AOPEP: variants seen among roughly 807,000 people sequenced by gnomAD.
AOPEP encodes aminopeptidase O.
A neutral mutation model predicts 98.1 loss-of-function variants in AOPEP; 77 were observed. The ratio of observed to expected loss-of-function variants is 0.78; its 90% CI spans 0.65 to 0.95. The LOEUF (loss-of-function observed/expected upper bound fraction) is 0.95. Among genes scored for constraint, AOPEP ranks in the 40% least tolerant of loss-of-function variants. The probability of loss-of-function intolerance (pLI) is 0.00; values close to 1 mark genes in which losing one functional copy is unlikely to be tolerated. For synonymous variants in AOPEP, 346 were observed against 365.3 expected (o/e 0.95, Z 0.60); for missense variants, 1,024 against 1,024.7 (o/e 1.00, Z 0.01).
intron 5 of AOPEP, among the ~76,000 whole-genome samples, chr9:94,821,970 AACACACACACACACACAC>A (rs34645632): frequency 2.1e-5 from 3 of 141,360 alleles, no homozygotes; most frequent in Non-Finnish European, 4.7e-5. Context: ...TGTGTGTGTA[AACACACACACACACACAC>A]ACACACACAC....
chr9:95,066,613 G>C (rs1051571675), intron 14 of AOPEP, among the ~76,000 whole-genome samples: 13 of 152,088 alleles, frequency 8.5e-5, no homozygotes, highest in Admixed American at 2.0e-4. Context: ...GCCGTCTGCT[G>C]TTTGCACAGG....
chr9:94,819,070 G>A (rs2134139536), intron 5 of AOPEP, among the ~76,000 whole-genome samples: 1 of 152,328 alleles, frequency 6.6e-6, no homozygotes, highest in East Asian at 1.9e-4. Flanking sequence ...GATCCCACCT[G>A]GATTAAACTA....
intron 5 of AOPEP, among the ~76,000 whole-genome samples, chr9:94,846,587 T>C (rs2042891204): frequency 6.6e-6 from 1 of 152,194 alleles, no homozygotes; most frequent in South Asian, 2.1e-4. Context: ...CACATTTGTG[T>C]GCTGAAGAGA....
At chr9:95,126,862 G>C in the AOPEP span, 3 of 419,722 alleles carry the variant, frequency 7.1e-6, no homozygotes, top group South Asian at 7.0e-5. Flanking sequence ...TACAGAATCA[G>C]TAAGTATTAG....
intron 13 of AOPEP, among the ~76,000 whole-genome samples, chr9:95,039,652 T>C (rs2065122977): frequency 6.6e-6 from 1 of 152,204 alleles, no homozygotes; most frequent in Non-Finnish European, 1.5e-5. Flanking sequence ...AAGTAATATT[T>C]CTCTCAAAAG....
At chr9:94,859,787 A>G (rs961898875) in intron 5 of AOPEP, among the ~76,000 whole-genome samples, 7 of 152,190 alleles carry the variant, frequency 4.6e-5, no homozygotes, top group Non-Finnish European at 8.8e-5. Context: ...TCTTGGGCAT[A>G]TTGCTTAAGT....
At chr9:95,060,532 C>A (rs547613780) in intron 13 of AOPEP, among the ~76,000 whole-genome samples, 162 bp from the exon 14 acceptor site, 2 of 152,212 alleles carry the variant, frequency 1.3e-5, no homozygotes, top group South Asian at 4.2e-4. Context: ...CAATGTAGGC[C>A]CTGAGGAATT....
chr9:94,846,684 G>T (rs184655468), intron 5 of AOPEP, among the ~76,000 whole-genome samples: 1 of 152,180 alleles, frequency 6.6e-6, no homozygotes, highest in Non-Finnish European at 1.5e-5. Flanking sequence ...GGTGGTGGGA[G>T]GATTGCTTGA....
intron 12 of AOPEP, 34 bp downstream of exon 12, chr9:95,005,254 T>A: frequency 6.6e-6 from 7 of 1,060,368 alleles, no homozygotes; most frequent in Non-Finnish European, 8.0e-6. Context: ...TGCGCCCCGG[T>A]GGCGCCGGCG....
chr9:94,746,484 A>G (rs971648805), intron 1 of AOPEP, among the ~76,000 whole-genome samples: 4 of 152,174 alleles, frequency 2.6e-5, no homozygotes, highest in Admixed American at 6.5e-5. Context: ...TTATAACTGT[A>G]ATGAGTTTTC....
intron 7 of AOPEP, among the ~76,000 whole-genome samples, chr9:94,945,056 G>A (rs1016368901): frequency 1.3e-5 from 2 of 152,134 alleles, no homozygotes; most frequent in African/African-American, 2.4e-5. Context: ...GGTGACCTCC[G>A]AGGTTTGGAT....
chr9:95,076,263 A>G lies in AOPEP; in HGVS notation c.2233-4431A>G, dbSNP rs1352822149. Reference sequence around the variant, plus strand: ...GATTTTGGCAGGAGTGTACATTGCTACACCCTCATGGAAGGCAATTTAGCA... The same window carrying G: ...GATTTTGGCAGGAGTGTACATTGCTGCACCCTCATGGAAGGCAATTTAGCA... On this transcript the variant is annotated intron_variant, in intron 14 of 16. Transcript: ENST00000375315. 5.9e-5 allele frequency among the ~76,000 whole-genome samples: 9 copies of G among 152,338 alleles called. No homozygotes were observed. The East Asian group carries it at 1.5e-3, about 26-fold the overall frequency.
intron 9 of AOPEP, among the ~76,000 whole-genome samples, chr9:94,965,113 A>G (rs1335544431): frequency 6.6e-6 from 1 of 152,278 alleles, no homozygotes; most frequent in Non-Finnish European, 1.5e-5. Flanking sequence ...AATGATAACT[A>G]AGAACCTCAC....
rs573036072 is a variant in AOPEP at position 94,775,356 on chromosome 9, C to T, written c.964+2188C>T. 9.3e-5 allele frequency among the ~76,000 whole-genome samples: 14 copies of T among 150,900 alleles called. No homozygotes were observed. The East Asian group carries it at 1.2e-3, about 13-fold the overall frequency. ...AGATTAACGTATGTACTGAAGTCAC[C>T]GATGAGTATTTACTTGATTTTTTTT... On this transcript the variant is annotated intron_variant, in intron 3 of 16. Coordinates refer to ENST00000375315, the MANE Select transcript of AOPEP (RefSeq NM_001193329.3).
chr9:94,858,810 A>AGGC (rs2044556892), intron 5 of AOPEP, among the ~76,000 whole-genome samples: 1 of 152,102 alleles, frequency 6.6e-6, no homozygotes, highest in South Asian at 2.1e-4. Context: ...GCACTGTGGG[A>AGGC]GGCCAAGGCG....
chr9:94,837,733 C>G (rs891550301), intron 5 of AOPEP, among the ~76,000 whole-genome samples: 8 of 152,122 alleles, frequency 5.3e-5, no homozygotes, highest in Admixed American at 1.3e-4. Context: ...AAACTCTCAA[C>G]AAAATTGGCA....
chr9:94,927,266 G>A (rs1318650702), intron 6 of AOPEP, among the ~76,000 whole-genome samples: 1 of 152,148 alleles, frequency 6.6e-6, no homozygotes, highest in South Asian at 2.1e-4. Flanking sequence ...TAACCTTAAT[G>A]ACCTCCTTGA....
intron 1 of AOPEP, among the ~76,000 whole-genome samples, chr9:94,740,573 C>T (rs1247791561): frequency 1.3e-5 from 2 of 152,290 alleles, no homozygotes; most frequent in Middle Eastern, 3.4e-3. Flanking sequence ...GGTAAAGTGG[C>T]TCCTTGCACC....
In AOPEP at chr9:94,842,523, T is replaced by C. The variant is rs1470121824; in HGVS notation, c.1364+41521T>C. On this transcript the variant is annotated intron_variant, in intron 5 of 16. Transcript: ENST00000375315. The stretch of plus-strand genomic sequence containing the variant: ...GTCTTATATATTACATTTGCAAAGA[T>C]TGAAAATCTCATCAGACAATCCTAT... Among the ~76,000 whole-genome samples the C allele has an allele frequency of 5.3e-5, 8 of 152,360 alleles. No individual in the cohort carries two copies. The East Asian group carries it at 1.5e-3, about 29-fold the overall frequency.
Sources: gnomAD v4.1 joint callset for allele counts (sites outside exome capture counted in the v4.1 genomes callset) on GRCh38, gnomAD v4.1.1 for gene constraint, MANE v1.5 for transcripts, NCBI Gene and HGNC (gene_info 2026-07-23, HGNC 2026-07-21) for gene names.